Variants in SLCO1B3 observed in about 807,000 individuals in gnomAD.
SLCO1B3 encodes solute carrier organic anion transporter family member 1B3.
Under a neutral mutation model 71.8 loss-of-function variants are expected in SLCO1B3, and 72 were observed. The ratio of observed to expected loss-of-function variants is 1.00; its 90% CI spans 0.83 to 1.22. The LOEUF (loss-of-function observed/expected upper bound fraction) is 1.22, where lower values mean the gene tolerates loss of function less well. SLCO1B3 is among the 50% of genes most tolerant of loss of function. The pLI is 0.00. For synonymous variants in SLCO1B3, 298 were observed against 278.4 expected (o/e 1.07, Z -0.70); for missense variants, 911 against 819.7 (o/e 1.11, Z -1.36).
intron 3 of SLCO1B3, among the ~76,000 whole-genome samples, chr12:20,849,129 CTA>C (rs1849261507): frequency 6.6e-6 from 1 of 151,344 alleles, no homozygotes; most frequent in African/African-American, 2.4e-5. Flanking sequence ...CTAAATTGCT[CTA>C]AAAAATAAAG....
At position 20,883,533 on chromosome 12, in the gene SLCO1B3, T is replaced by A; in HGVS notation, c.1613T>A (p.Val538Asp). ...TGTACAAGGAAATTTTTCATCTATG[T>A]TGCAATTCAAGTCATAAACTCTTTG... The part of the protein sequence containing the change: ...NTCTRKFFIY[V>D]AIQVINSLFS... The change falls in exon 13 of 16, where the codon GTT (valine) becomes GAT (aspartate). Residue 538 changes from valine to aspartate, a missense_variant. Val to Asp is a radical substitution (Grantham distance 152). Coordinates refer to ENST00000381545, the MANE Select transcript of SLCO1B3 (RefSeq NM_019844.4). 6.2e-7 allele frequency: 1 copy of A among 1,605,376 alleles called. No individual in the cohort carries two copies. The highest frequency in any genetic ancestry group is 8.5e-7 in the Non-Finnish European group (1 of 1,176,782).
intron 3 of SLCO1B3, among the ~76,000 whole-genome samples, chr12:20,838,360 G>T (rs1393862388): frequency 1.3e-5 from 2 of 152,032 alleles, no homozygotes; most frequent in East Asian, 3.9e-4. Flanking sequence ...TAAAGTGGGT[G>T]TCATGCACAC....
chr12:20,817,754 A>ATT (rs544791647), intron 3 of SLCO1B3, among the ~76,000 whole-genome samples: 11 of 148,300 alleles, frequency 7.4e-5, no homozygotes, highest in East Asian at 2.0e-4. Flanking sequence ...CACCCAGCTA[A>ATT]TTTTTTTTTT....
chr12:20,816,554 T>C (rs947376467), intron 3 of SLCO1B3, among the ~76,000 whole-genome samples: 3 of 152,226 alleles, frequency 2.0e-5, no homozygotes, highest in Non-Finnish European at 4.4e-5. Context: ...AGCTGAATAG[T>C]ACTCCATTGT....
intron 13 of SLCO1B3, 102 bp downstream of exon 13, chr12:20,883,704 A>C (rs1865739954): frequency 2.7e-6 from 2 of 738,870 alleles, no homozygotes; most frequent in Non-Finnish European, 4.3e-6. Flanking sequence ...ATATTTTGTC[A>C]ATTTTTAATT....
chr12:20,904,298 A>C (rs150205296), intron 15 of SLCO1B3, among the ~76,000 whole-genome samples: 1 of 151,878 alleles, frequency 6.6e-6, no homozygotes, highest in African/African-American at 2.4e-5. Flanking sequence ...TTTGGTAAAT[A>C]CTCTTATTCC....
chr12:20,832,369 T>C (rs944360581), intron 3 of SLCO1B3, among the ~76,000 whole-genome samples: 9 of 152,196 alleles, frequency 5.9e-5, no homozygotes, highest in East Asian at 3.9e-4. Flanking sequence ...TTTTTTGTAT[T>C]GAACCAACTG....
At chr12:20,915,587 T>G (rs1866475461) in intron 15 of SLCO1B3, among the ~76,000 whole-genome samples, 1 of 152,184 alleles carries the variant, frequency 6.6e-6, no homozygotes, top group Non-Finnish European at 1.5e-5. Context: ...AAGCCTTTAT[T>G]AATGTGGTGT....
At chr12:20,813,988 T>C (rs548846599) in intron 2 of SLCO1B3, among the ~76,000 whole-genome samples, 1 of 152,208 alleles carries the variant, frequency 6.6e-6, no homozygotes, top group Non-Finnish European at 1.5e-5. Context: ...ATAACATTGA[T>C]ATTTACATAC....
chr12:20,891,160 T>A (rs182838448), intron 13 of SLCO1B3, among the ~76,000 whole-genome samples: 1 of 152,226 alleles, frequency 6.6e-6, no homozygotes, highest in East Asian at 1.9e-4. Context: ...AGTATTGCTC[T>A]TTCATTTCTA....
At chr12:20,855,468 T>TC (rs943088336) in intron 4 of SLCO1B3, among the ~76,000 whole-genome samples, 2 of 152,070 alleles carry the variant, frequency 1.3e-5, no homozygotes, top group African/African-American at 4.8e-5. Context: ...AAAACTCTGG[T>TC]CCTACACAAA....
chr12:20,886,070 C>G (rs1309821450), intron 13 of SLCO1B3, among the ~76,000 whole-genome samples: 1 of 151,956 alleles, frequency 6.6e-6, no homozygotes, highest in African/African-American at 2.4e-5. Context: ...TAAGGCAAAG[C>G]CAATATGATT....
chr12:20,868,108 AATAC>A lies in SLCO1B3; in HGVS notation c.727+5260_727+5263del, dbSNP rs765970338. ...ATTTTATAGAAAGAATACAGTTTAT[AATAC>A]ATACAGCATGCAAAATATATGTTGA... On this transcript the variant is annotated intron_variant, in intron 8 of 15. Coordinates refer to ENST00000381545, the MANE Select transcript of SLCO1B3 (RefSeq NM_019844.4). Among the ~76,000 whole-genome samples the A allele has an allele frequency of 1.3e-3, 196 of 152,350 alleles. 1 individual carries two copies. Among genetic ancestry groups the A allele is most frequent in the Non-Finnish European group, 2.3e-3 (154 of 68,032 alleles).
At chr12:20,882,472 C>T (rs904836463) in intron 12 of SLCO1B3, among the ~76,000 whole-genome samples, 6 of 152,180 alleles carry the variant, frequency 3.9e-5, no homozygotes, top group East Asian at 1.9e-4. Flanking sequence ...GGCATGGTCT[C>T]GGCTCACTGC....
At chr12:20,840,044 C>T (rs1035301019) in intron 3 of SLCO1B3, among the ~76,000 whole-genome samples, 1 of 152,258 alleles carries the variant, frequency 6.6e-6, no homozygotes, top group East Asian at 1.9e-4. Flanking sequence ...TTAAATTGCT[C>T]ATCTGTTCTT....
intron 13 of SLCO1B3, among the ~76,000 whole-genome samples, chr12:20,893,934 TTAGTG>T (rs1241837163): frequency 6.6e-6 from 1 of 152,104 alleles, no homozygotes; most frequent in Non-Finnish European, 1.5e-5. Flanking sequence ...AAACTGCATT[TTAGTG>T]GGTTAGCTAG....
intron 1 of SLCO1B3, among the ~76,000 whole-genome samples, 170 bp downstream of exon 1, chr12:20,810,934 A>G (rs1263818980): frequency 2.0e-5 from 3 of 152,164 alleles, no homozygotes; most frequent in Non-Finnish European, 4.4e-5. Flanking sequence ...TATCCCTTCT[A>G]GAAATAGAAG....
chr12:20,860,947 CTG>C, intron 5 of SLCO1B3, 68 bp from the exon 6 acceptor site: 1 of 1,434,124 alleles, frequency 7.0e-7, no homozygotes, highest in Non-Finnish European at 9.5e-7. Context: ...GAAAATTTCT[CTG>C]TATTTCTGGG....
At chr12:20,889,240 C>T (rs1865854204) in intron 13 of SLCO1B3, among the ~76,000 whole-genome samples, 1 of 151,730 alleles carries the variant, frequency 6.6e-6, no homozygotes. Context: ...GATTCCTTCC[C>T]CCTTGATTTT....
Sources: gnomAD v4.1 joint callset for allele counts (sites outside exome capture counted in the v4.1 genomes callset) on GRCh38, gnomAD v4.1.1 for gene constraint, MANE v1.5 for transcripts, NCBI Gene and HGNC (gene_info 2026-07-23, HGNC 2026-07-21) for gene names.